RPS6KA2: variants seen among roughly 807,000 people sequenced by gnomAD.
RPS6KA2 encodes the protein ribosomal protein S6 kinase A2.
A neutral mutation model predicts 91.8 loss-of-function variants in RPS6KA2; 42 were observed. The observed-to-expected ratio is 0.46, with a 90% CI of 0.36 to 0.59. RPS6KA2 has a LOEUF of 0.59. Ranked by LOEUF, RPS6KA2 falls within the 20% of genes least tolerant of loss-of-function variation. The pLI, the probability that RPS6KA2 is intolerant of heterozygous loss-of-function variation, is 0.00. For missense variants in RPS6KA2, 798 were observed against 978.5 expected, an observed-to-expected ratio of 0.82 and a Z score of 2.46; for synonymous variants, 414 against 393.6, an observed-to-expected ratio of 1.05 and a Z score of -0.61.
intron 1 of RPS6KA2, among the ~76,000 whole-genome samples, chr6:166,595,485 C>T (rs940398951): frequency 2.6e-5 from 4 of 152,254 alleles, no homozygotes; most frequent in East Asian, 1.9e-4. Context: ...GCACAGACTG[C>T]GGCTGTCCAC....
rs1157192797 is a variant in RPS6KA2 at position 166,411,877 on chromosome 6, T to A, written c.*885A>T. On this transcript the variant is annotated 3_prime_UTR_variant, in exon 21 of 21. Transcript: ENST00000265678. The surrounding 1 kb of genome is among the most constrained non-coding windows in gnomAD (Gnocchi z 4.5). ...AACACAGCAAAACCACAGCTTTAGG[T>A]GAGCACACAGGAAGCCGACACAGGG... 6.6e-6 allele frequency: 1 copy of A among 151,946 alleles called. No homozygotes were observed. The highest frequency in any genetic ancestry group is 1.5e-5 in the Non-Finnish European group (1 of 68,022). The allele number at this position is 151,946 out of a possible 1,614,324, so 9.4% of individuals were successfully genotyped here.
intron 3 of RPS6KA2, among the ~76,000 whole-genome samples, chr6:166,523,119 T>A (rs976352287): frequency 5.3e-5 from 8 of 152,190 alleles, no homozygotes; most frequent in African/African-American, 1.7e-4. Flanking sequence ...ACTCTGGTAA[T>A]AAACACATAG....
chr6:166,718,619 G>A (rs1790087580), intron 2 of RPS6KA2, among the ~76,000 whole-genome samples: 1 of 152,088 alleles, frequency 6.6e-6, no homozygotes, highest in Non-Finnish European at 1.5e-5. Context: ...AAAATAACTT[G>A]GCCCCCAAAC....
chr6:166,532,538 G>A (rs927201080), intron 2 of RPS6KA2, among the ~76,000 whole-genome samples: 2 of 152,144 alleles, frequency 1.3e-5, no homozygotes, highest in African/African-American at 2.4e-5. Flanking sequence ...AAGTGATTCC[G>A]GACCCCACTG....
chr6:166,786,170 G>A (rs1778924653), intron 2 of RPS6KA2, among the ~76,000 whole-genome samples: 1 of 152,134 alleles, frequency 6.6e-6, no homozygotes, highest in South Asian at 2.1e-4. Flanking sequence ...GTCCTTCTGT[G>A]GTGAACAGTC....
chr6:166,496,348 C>CA (rs1257733594), intron 8 of RPS6KA2, among the ~76,000 whole-genome samples: 3 of 136,622 alleles, frequency 2.2e-5, no homozygotes, highest in Admixed American at 7.5e-5. Context: ...GACTCCATCT[C>CA]AAAAAACAAT....
At position 166,433,348 on chromosome 6, in the gene RPS6KA2, C is replaced by T. The variant is rs143672640; in HGVS notation, c.1333-858G>A. Among the ~76,000 whole-genome samples the T allele has an allele frequency of 7.8e-3, 1,193 of 152,102 alleles. 30 individuals carry two copies. Among genetic ancestry groups the T allele is most frequent in the East Asian group, 0.042 (216 of 5,152 alleles). On this transcript the variant is annotated intron_variant, in intron 14 of 20. Transcript: ENST00000265678. The surrounding 1 kb of genome is among the most constrained non-coding windows in gnomAD (Gnocchi z 4.4). The stretch of plus-strand genomic sequence containing the variant: ...AGGATAACAGATAAAGTTGCTTCAA[C>T]CCCATGGAGACATATGGTTTCTGAG...
intron 1 of RPS6KA2, among the ~76,000 whole-genome samples, chr6:166,559,402 C>G (rs767679411): frequency 6.6e-6 from 1 of 152,188 alleles, no homozygotes; most frequent in Non-Finnish European, 1.5e-5. Context: ...CAGCCAAACA[C>G]GCAAACCTTC....
chr6:166,427,726 C>A (rs930653030), intron 16 of RPS6KA2, among the ~76,000 whole-genome samples: 1 of 152,108 alleles, frequency 6.6e-6, no homozygotes, highest in Admixed American at 6.5e-5. Context: ...AATAAAATAC[C>A]TAGGAATCCA....
chr6:166,492,748 C>T (rs980815674), intron 8 of RPS6KA2, among the ~76,000 whole-genome samples: 24 of 145,534 alleles, frequency 1.6e-4, no homozygotes, highest in Non-Finnish European at 3.4e-4. Context: ...GATGGAGTCT[C>T]GCTGTTGCCC....
Position 166,646,470 on chromosome 6 carries a change from G to A in RPS6KA2, c.124-107686C>T, listed in dbSNP as rs534824917. 2.6e-5 allele frequency among the ~76,000 whole-genome samples: 4 copies of A among 152,366 alleles called. No individual in the cohort carries two copies. The East Asian group carries it at 7.7e-4, about 29-fold the overall frequency. On this transcript the variant is annotated intron_variant, in intron 2 of 21. Coordinates refer to the RPS6KA2 transcript ENST00000503859. ...TACAGGATAAGTCCTAGGCCACGGA[G>A]GAGCCAGTCGAGGTCAGCCTGGAGT...
In RPS6KA2 at chr6:166,433,985, C is replaced by A. The variant is rs1176771891; in HGVS notation, c.1333-1495G>T. On this transcript the variant is annotated intron_variant, in intron 14 of 20. Coordinates refer to ENST00000265678, the MANE Select transcript of RPS6KA2 (RefSeq NM_021135.6). The surrounding 1 kb of genome is among the most constrained non-coding windows in gnomAD (Gnocchi z 4.4). Reference sequence around the variant, plus strand: ...GTGTTGCCCAGGCTGGTCTCTAACTCCTGGCTTCAAGTGATCCTCCTGCCT... The same window carrying A: ...GTGTTGCCCAGGCTGGTCTCTAACTACTGGCTTCAAGTGATCCTCCTGCCT... Among the ~76,000 whole-genome samples, 2 of 152,130 alleles carry A rather than the reference C, an allele frequency of 1.3e-5. No individual in the cohort carries two copies. The highest frequency in any genetic ancestry group is 4.8e-5 in the African/African-American group (2 of 41,408).
chr6:166,800,019 G>A (rs1397983424), intron 2 of RPS6KA2, among the ~76,000 whole-genome samples: 4 of 149,576 alleles, frequency 2.7e-5, no homozygotes, highest in Admixed American at 6.8e-5. Flanking sequence ...GAAGCTTTTC[G>A]TGGAGACCGT....
chr6:166,843,439 C>T (rs1780535648), intron 2 of RPS6KA2, among the ~76,000 whole-genome samples: 1 of 152,170 alleles, frequency 6.6e-6, no homozygotes, highest in South Asian at 2.1e-4. Context: ...CTGAAAGCAC[C>T]ACCTCCTGGC....
At chr6:166,720,776 C>A (rs1790149244) in intron 2 of RPS6KA2, among the ~76,000 whole-genome samples, 1 of 152,142 alleles carries the variant, frequency 6.6e-6, no homozygotes, top group African/African-American at 2.4e-5. Flanking sequence ...TTCCAATCAC[C>A]CTTATTTTAC....
intron 2 of RPS6KA2, among the ~76,000 whole-genome samples, chr6:166,709,672 A>G (rs1017687804): frequency 6.6e-6 from 1 of 152,230 alleles, no homozygotes; most frequent in African/African-American, 2.4e-5. Flanking sequence ...TAAAAAGAAG[A>G]AAGGGATGAA....
intron 2 of RPS6KA2, among the ~76,000 whole-genome samples, chr6:166,755,702 G>C (rs967368120): frequency 6.6e-6 from 1 of 152,166 alleles, no homozygotes; most frequent in Non-Finnish European, 1.5e-5. Flanking sequence ...GCCTTGTATG[G>C]AATATAGGTA....
At chr6:166,706,908 C>T (rs1317367976) in intron 2 of RPS6KA2, among the ~76,000 whole-genome samples, 2 of 152,204 alleles carry the variant, frequency 1.3e-5, no homozygotes, top group African/African-American at 2.4e-5. Context: ...AGTAACAAAA[C>T]TCTGCATAGG....
rs1231901774 is a variant in RPS6KA2 at position 166,412,732 on chromosome 6, C to G, written c.*30G>C. 6.4e-7 allele frequency: 1 copy of G among 1,564,446 alleles called. No homozygotes were observed. Among genetic ancestry groups the G allele is most frequent in the Non-Finnish European group, 8.7e-7 (1 of 1,155,424 alleles). ...GTCTGTGAGCCCACGAGGATGCTGG[C>G]AGGGGACGCTGGGGCCAGGGTCCCA... On this transcript the variant is annotated 3_prime_UTR_variant, in exon 21 of 21. Transcript: ENST00000265678. The surrounding 1 kb of genome is among the most constrained non-coding windows in gnomAD (Gnocchi z 4.3).
Sources: gnomAD v4.1 joint callset for allele counts (sites outside exome capture counted in the v4.1 genomes callset) on GRCh38, gnomAD v4.1.1 for gene constraint, Gnocchi (gnomAD v3.1) non-coding constraint, MANE v1.5 for transcripts, NCBI Gene and HGNC (gene_info 2026-07-23, HGNC 2026-07-21) for gene names.